TERB1: variants seen among roughly 807,000 people sequenced by gnomAD.
TERB1 encodes telomere repeat binding bouquet formation protein 1, also known as telomere repeats-binding bouquet formation protein 1.
Under a neutral mutation model 92.3 loss-of-function variants are expected in TERB1, and 63 were observed. That is an observed-to-expected ratio of 0.68 (90% CI 0.56 to 0.84). The LOEUF is 0.84. Among genes scored for constraint, TERB1 ranks in the 40% least tolerant of loss-of-function variants. TERB1 has a pLI of 0.00. For synonymous variants in TERB1, 252 were observed against 283.9 expected (o/e 0.89, Z 1.13); for missense variants, 709 against 843.7 (o/e 0.84, Z 1.98).
intron 18 of TERB1, among the ~76,000 whole-genome samples, chr16:66,756,964 TAG>T (rs1363483691): frequency 6.6e-6 from 1 of 152,154 alleles, no homozygotes; most frequent in African/African-American, 2.4e-5. Context: ...CATCCTGAAA[TAG>T]AGACTTGGGG....
At chr16:66,780,567 C>T (rs1204590383) in intron 9 of TERB1, among the ~76,000 whole-genome samples, 1 of 149,666 alleles carries the variant, frequency 6.7e-6, no homozygotes, top group Non-Finnish European at 1.5e-5. Context: ...GAGTGAGACT[C>T]TAGCTCAAAA....
rs2018819791 is a variant in TERB1, at chr16:66,790,787, C to T, written c.143-64G>A. ...ATTTATTTTCAGGGATAAAATAAAT[C>T]ACATGAAGACGTAACATGATATGTA... is the stretch of plus-strand genomic sequence containing the variant. On this transcript the variant is annotated intron_variant, in intron 4 of 18. Transcript: ENST00000433154. 1.9e-5 allele frequency: 28 copies of T among 1,500,464 alleles called. No homozygotes were observed. The East Asian group carries it at 6.9e-4, about 37-fold the overall frequency. 92.9% of individuals were successfully genotyped at this position (1,500,464 alleles called of 1,614,324 possible).
chr16:66,763,150 T>C (rs1294715612), intron 16 of TERB1, among the ~76,000 whole-genome samples: 3 of 151,646 alleles, frequency 2.0e-5, no homozygotes, highest in African/African-American at 7.3e-5. Flanking sequence ...CTTTTTTTTT[T>C]TTAAGAGACA....
rs1345810028 is a variant in TERB1, at chr16:66,755,023, G to C, written c.2137C>G (p.His713Asp). Residue 713 changes from histidine to aspartate, a missense_variant, in exon 19 of 19, where the codon CAC (histidine) becomes GAC (aspartate). Transcript: ENST00000433154. Reference protein sequence around the residue: ...QQGRKAVDLAHKYHKLTKHPT... With the variant: ...QQGRKAVDLADKYHKLTKHPT... Reference sequence around the variant, plus strand: ...TGTTTGGTCAGCTTGTGGTATTTGTGAGCAAGGTCCACAGCCTTCCGTCCT... The same window carrying C: ...TGTTTGGTCAGCTTGTGGTATTTGTCAGCAAGGTCCACAGCCTTCCGTCCT... The C allele has an allele frequency of 1.3e-6, 2 of 1,551,520 alleles. No individual in the cohort carries two copies. Among genetic ancestry groups the C allele is most frequent in the Admixed American group, 3.9e-5 (2 of 50,944 alleles).
At chr16:66,767,813 C>T (rs909505841) in intron 15 of TERB1, among the ~76,000 whole-genome samples, 1 of 151,960 alleles carries the variant, frequency 6.6e-6, no homozygotes, top group Admixed American at 6.6e-5. Context: ...CTGCAACCTC[C>T]GCCTCCTGGG....
intron 16 of TERB1, among the ~76,000 whole-genome samples, chr16:66,760,531 T>C (rs1445363226): frequency 1.8e-5 from 2 of 109,562 alleles, no homozygotes; most frequent in Admixed American, 9.8e-5. Flanking sequence ...CTCATGCCTG[T>C]AACCCCAGCA....
Position 66,785,699 on chromosome 16 carries a change from A to C in TERB1, c.700+87T>G, listed in dbSNP as rs1029338839. ...AAAATAACCCAAATTACAAGAATTC[A>C]ATTGATTCAATAATAAATTCAATCG... On this transcript the variant is annotated intron_variant, in intron 9 of 18. Coordinates refer to ENST00000433154, the MANE Select transcript of TERB1 (RefSeq NM_001136505.2). 6.4e-5 allele frequency: 84 copies of C among 1,312,478 alleles called. No homozygotes were observed. In the African/African-American group the frequency reaches 1.2e-3, roughly 19 times the overall value. The allele number at this position is 1,312,478 out of a possible 1,614,324, so 81.3% of individuals were successfully genotyped here. A position where few individuals can be genotyped will look rare whatever the true frequency, so the allele number is the denominator to read the frequency against.
intron 16 of TERB1, among the ~76,000 whole-genome samples, chr16:66,766,718 T>C (rs1341449581): frequency 2.6e-5 from 4 of 152,226 alleles, no homozygotes; most frequent in African/African-American, 9.6e-5. Context: ...GACAAAAAGA[T>C]AATAAAGTAA....
At chr16:66,785,683 C>T in intron 9 of TERB1, 103 bp downstream of exon 9, 1 of 1,231,274 alleles carries the variant, frequency 8.1e-7, no homozygotes. Context: ...CAAAATAACC[C>T]AAATTACAAG....
chr16:66,769,117 A>G (rs2018400465), intron 14 of TERB1, among the ~76,000 whole-genome samples: 1 of 151,952 alleles, frequency 6.6e-6, no homozygotes, highest in African/African-American at 2.4e-5. Context: ...AAAAAAAAGA[A>G]AAAGAAAAAG....
At chr16:66,801,614 T>A (rs972433700), upstream of TERB1, 1 of 152,194 alleles carries the variant, frequency 6.6e-6, no homozygotes, top group Non-Finnish European at 1.5e-5. Context: ...CCGACCAGGC[T>A]CACGTCCGTG....
intron 10 of TERB1, among the ~76,000 whole-genome samples, chr16:66,778,621 T>C (rs2018586927): frequency 6.6e-6 from 1 of 152,174 alleles, no homozygotes; most frequent in Admixed American, 6.5e-5. Flanking sequence ...TTTCACCATG[T>C]TGGCCAGGCT....
intron 2 of TERB1, among the ~76,000 whole-genome samples, chr16:66,799,032 A>G (rs1393249475): frequency 1.3e-5 from 2 of 152,250 alleles, no homozygotes; most frequent in Non-Finnish European, 2.9e-5. Context: ...ATATATAAAT[A>G]CATATTGCTT....
chr16:66,769,232 C>T (rs2018402423), intron 14 of TERB1, among the ~76,000 whole-genome samples: 1 of 152,164 alleles, frequency 6.6e-6, no homozygotes, highest in African/African-American at 2.4e-5. Context: ...TATCTTACTG[C>T]TTCCCAATTC....
intron 12 of TERB1, among the ~76,000 whole-genome samples, chr16:66,773,204 C>T (rs894332444): frequency 6.6e-5 from 10 of 151,540 alleles, no homozygotes; most frequent in South Asian, 6.3e-4. Flanking sequence ...CATTGTGGCA[C>T]GCACCTGTAT....
chr16:66,801,322 G>A (rs1420595064), intron 1 of TERB1, 146 bp downstream of exon 1: 1 of 152,256 alleles, frequency 6.6e-6, no homozygotes, highest in East Asian at 1.9e-4. Context: ...TCCCGCCAAG[G>A]GCTGTGGGGA....
chr16:66,772,163 T>G (rs1230103545), intron 13 of TERB1, among the ~76,000 whole-genome samples: 2 of 152,120 alleles, frequency 1.3e-5, no homozygotes, highest in African/African-American at 4.8e-5. Flanking sequence ...AAGAAAAAAT[T>G]TTTTACCCTC....
At chr16:66,759,838 A>G (rs1238051974) in intron 16 of TERB1, among the ~76,000 whole-genome samples, 2 of 149,406 alleles carry the variant, frequency 1.3e-5, no homozygotes, top group African/African-American at 4.9e-5. Flanking sequence ...AGAAAAGAAA[A>G]GAAAAAGAGC....
At chr16:66,771,996 T>A (rs1161718435) in intron 13 of TERB1, among the ~76,000 whole-genome samples, 2 of 152,202 alleles carry the variant, frequency 1.3e-5, no homozygotes, top group Non-Finnish European at 2.9e-5. Flanking sequence ...AGATGTTAGA[T>A]CTCTTGGCTC....
Sources: gnomAD v4.1 joint callset for allele counts (sites outside exome capture counted in the v4.1 genomes callset) on GRCh38, gnomAD v4.1.1 for gene constraint, MANE v1.5 for transcripts, NCBI Gene and HGNC (gene_info 2026-07-23, HGNC 2026-07-21) for gene names.